The following HEATR5B variants were observed in gnomAD, a reference collection of about 807,000 sequenced individuals.
HEATR5B encodes HEAT repeat-containing protein 5B.
In HEATR5B, 156 loss-of-function variants were observed where a neutral mutation model predicts 224.1. The ratio of observed to expected loss-of-function variants is 0.70; its 90% CI spans 0.61 to 0.80. The LOEUF is 0.80. Among genes scored for constraint, HEATR5B ranks in the 30% least tolerant of loss-of-function variants. The probability of loss-of-function intolerance (pLI) is 0.00; values close to 1 mark genes in which losing one functional copy is unlikely to be tolerated. For missense variants in HEATR5B, 2,323 were observed against 2,535.5 expected, an observed-to-expected ratio of 0.92 and a Z score of 1.80; for synonymous variants, 1,027 against 893.0, an observed-to-expected ratio of 1.15 and a Z score of -2.68.
At chr2:37,060,445 C>A (rs1671212364) in intron 12 of HEATR5B, 136 bp downstream of exon 12, 9 of 692,646 alleles carry the variant, frequency 1.3e-5, no homozygotes, top group Non-Finnish European at 1.8e-5. Context: ...TATAAAGTTT[C>A]TATTTAAATC....
intron 28 of HEATR5B, among the ~76,000 whole-genome samples, chr2:37,007,636 A>T (rs1336881533): frequency 6.6e-6 from 1 of 152,144 alleles, no homozygotes; most frequent in Non-Finnish European, 1.5e-5. Flanking sequence ...CACCCGGCCA[A>T]AATATTACTA....
chr2:36,988,584 A>C, intron 35 of HEATR5B, 62 bp downstream of exon 35: 1 of 1,390,350 alleles, frequency 7.2e-7, no homozygotes, highest in Non-Finnish European at 1.0e-6. Context: ...ATATCAAATA[A>C]GATTTATATA....
intron 20 of HEATR5B, among the ~76,000 whole-genome samples, chr2:37,038,920 G>GGGGGGGGA (rs58707175): frequency 9.6e-5 from 12 of 124,584 alleles, no homozygotes; most frequent in Admixed American, 1.6e-4. Context: ...GGGGGGTGGG[G>GGGGGGGGA]AATCACATAT....
Position 37,058,887 on chromosome 2 carries a change from C to A in HEATR5B, c.1949+1G>T. ...TGAACTTGTCTCAATCGCTTACTTA[C>A]TGTGACATCATAGTCATGGCACATT... is the stretch of plus-strand genomic sequence containing the variant. On this transcript the variant is annotated splice_donor_variant, in intron 13 of 35. Coordinates refer to ENST00000233099, the MANE Select transcript of HEATR5B (RefSeq NM_019024.3). LOFTEE classifies it high-confidence loss of function. 2 of 1,560,656 alleles carry A rather than the reference C, an allele frequency of 1.3e-6. No homozygotes were observed. The highest frequency in any genetic ancestry group is 1.1e-5 in the South Asian group (1 of 88,016).
At chr2:37,016,557 A>G (rs1668131485) in intron 26 of HEATR5B, among the ~76,000 whole-genome samples, 2 of 152,206 alleles carry the variant, frequency 1.3e-5, no homozygotes, top group African/African-American at 4.8e-5. Flanking sequence ...ATTAACACAC[A>G]GATGTATCTG....
intron 35 of HEATR5B, among the ~76,000 whole-genome samples, chr2:36,983,484 A>T (rs1364364108): frequency 6.6e-6 from 1 of 152,178 alleles, no homozygotes; most frequent in Non-Finnish European, 1.5e-5. Context: ...GGTTGTGGTG[A>T]GCCGAGATCG....
chr2:36,995,251 C>G (rs543654941), intron 33 of HEATR5B, among the ~76,000 whole-genome samples: 1 of 151,558 alleles, frequency 6.6e-6, no homozygotes, highest in Non-Finnish European at 1.5e-5. Flanking sequence ...CACCACACCC[C>G]GCTAAATTTT....
intron 6 of HEATR5B, among the ~76,000 whole-genome samples, chr2:37,071,161 CAT>C (rs1558375564): frequency 2.6e-5 from 4 of 152,004 alleles, no homozygotes; most frequent in Non-Finnish European, 5.9e-5. Context: ...TCATCATCAT[CAT>C]CTACTGAAAT....
rs1483792015 is a variant in HEATR5B, at chr2:37,070,394, A to G, written c.770-7T>C. On this transcript the variant is annotated splice_region_variant and splice_polypyrimidine_tract_variant and intron_variant, in intron 6 of 35. Coordinates refer to ENST00000233099, the MANE Select transcript of HEATR5B (RefSeq NM_019024.3). ...TTCACATTCTGACGCATTACTTTCAAGAAGAAAAATTAAAGTATAAGCAAA... is the reference window on the plus strand; with the variant it reads ...TTCACATTCTGACGCATTACTTTCAGGAAGAAAAATTAAAGTATAAGCAAA... 1.9e-6 allele frequency: 3 copies of G among 1,609,882 alleles called. No individual in the cohort carries two copies. Among genetic ancestry groups the G allele is most frequent in the African/African-American group, 1.3e-5 (1 of 74,746 alleles).
chr2:37,047,436 T>C (rs533192691), intron 18 of HEATR5B, among the ~76,000 whole-genome samples: 2 of 152,202 alleles, frequency 1.3e-5, no homozygotes, highest in Non-Finnish European at 2.9e-5. Context: ...TCTCAAAAAG[T>C]AACAGGTTAG....
intron 14 of HEATR5B, among the ~76,000 whole-genome samples, chr2:37,057,752 T>C (rs533255645): frequency 2.7e-4 from 41 of 152,232 alleles, no homozygotes; most frequent in African/African-American, 9.4e-4. Context: ...AGCATGCTTG[T>C]AGTCCCAGCT....
chr2:37,062,670 G>A (rs1012305026), intron 10 of HEATR5B, among the ~76,000 whole-genome samples: 1 of 152,214 alleles, frequency 6.6e-6, no homozygotes, highest in Non-Finnish European at 1.5e-5. Context: ...AGCCTTGCAA[G>A]GATAAAATAA....
chr2:37,073,526 G>T (rs995975157), intron 5 of HEATR5B, among the ~76,000 whole-genome samples: 4 of 152,094 alleles, frequency 2.6e-5, no homozygotes, highest in African/African-American at 9.7e-5. Context: ...TTACAGGCAT[G>T]AGCAACCACG....
intron 18 of HEATR5B, among the ~76,000 whole-genome samples, chr2:37,045,620 A>G (rs778822672): frequency 6.6e-6 from 1 of 152,116 alleles, no homozygotes; most frequent in African/African-American, 2.4e-5. Context: ...TATTCTGCAC[A>G]TATCAGTATT....
rs1666121405 is a variant in HEATR5B at position 36,988,783 on chromosome 2, T to C, written c.5774A>G (p.His1925Arg). The C allele has an allele frequency of 6.2e-7, 1 of 1,613,968 alleles. No individual in the cohort carries two copies. The highest frequency in any genetic ancestry group is 1.3e-5 in the African/African-American group (1 of 74,936). ...SNRALSTPYI[H>R]SLAPIVVEKL... is the part of the protein sequence containing the mutation. The stretch of plus-strand genomic sequence containing the variant: ...TTCAACCACTATTGGAGCTAATGAA[T>C]GAATATAAGGAGTTGAAAGGGCACG... Residue 1925 changes from histidine to arginine, a missense_variant, in exon 35 of 36, where the codon CAT becomes CGT. By Grantham distance (29) the His-to-Arg change is conservative (BLOSUM62 0). Transcript: ENST00000233099.
rs551894208 is a variant in HEATR5B, at chr2:37,041,337, T to A, written c.2697-45A>T. 11 of 1,578,842 alleles carry A rather than the reference T, an allele frequency of 7.0e-6. No homozygotes were observed. The East Asian group carries it at 1.3e-4, about 19-fold the overall frequency. On this transcript the variant is annotated intron_variant, in intron 18 of 35. Coordinates refer to ENST00000233099, the MANE Select transcript of HEATR5B (RefSeq NM_019024.3). ...TCAAGCACTAACTTTGCTATTTCCC[T>A]ATAAAAACAACAACATTATAAGTCA...
intron 24 of HEATR5B, among the ~76,000 whole-genome samples, chr2:37,024,822 A>G (rs1668670137): frequency 6.6e-6 from 1 of 152,186 alleles, no homozygotes; most frequent in African/African-American, 2.4e-5. Context: ...CTGGAACGAG[A>G]GCGCCACTTT....
At chr2:37,065,107 G>A (rs1204949423) in intron 9 of HEATR5B, 117 bp from the exon 10 acceptor site, 2 of 1,015,820 alleles carry the variant, frequency 2.0e-6, no homozygotes, top group Non-Finnish European at 2.9e-6. Flanking sequence ...CACACATATA[G>A]ATCCACAACT....
intron 34 of HEATR5B, among the ~76,000 whole-genome samples, chr2:36,989,987 C>T (rs1193418450): frequency 6.7e-6 from 1 of 149,284 alleles, no homozygotes; most frequent in Non-Finnish European, 1.5e-5. Flanking sequence ...CAACTCACTC[C>T]ACCTCCTGGG....
Sources: gnomAD v4.1 joint callset for allele counts (sites outside exome capture counted in the v4.1 genomes callset) on GRCh38, gnomAD v4.1.1 for gene constraint, MANE v1.5 for transcripts, NCBI Gene and HGNC (gene_info 2026-07-23, HGNC 2026-07-21) for gene names.